The following GPM6B variants were observed in gnomAD, a reference collection of about 807,000 sequenced individuals.
GPM6B encodes glycoprotein M6B, also known as neuronal membrane glycoprotein M6-b.
A neutral mutation model predicts 27.2 loss-of-function variants in GPM6B; 4 were observed. That is an observed-to-expected ratio of 0.15 (90% CI 0.07 to 0.34). The LOEUF (loss-of-function observed/expected upper bound fraction) is 0.34, where lower values mean the gene tolerates loss of function less well. Among genes scored for constraint, GPM6B ranks in the 10% least tolerant of loss-of-function variants. The pLI is 1.00. For missense variants in GPM6B, 183 were observed against 261.9 expected, an observed-to-expected ratio of 0.70 and a Z score of 2.08; for synonymous variants, 124 against 103.1, an observed-to-expected ratio of 1.20 and a Z score of -1.23.
rs1017332029 is a variant in GPM6B at position 13,771,357 on chromosome X, G to A, written c.*1524C>T. 2 of 106,797 alleles carry A rather than the reference G, an allele frequency of 1.9e-5. No individual in the cohort carries two copies. The highest frequency in any genetic ancestry group is 2.1e-4 in the Admixed American group (2 of 9,691). The allele number at this position is 106,797 out of a possible 1,213,427, so 8.8% of individuals were successfully genotyped here. On this transcript the variant is annotated 3_prime_UTR_variant, in exon 8 of 8. Transcript: ENST00000316715. Reference sequence around the variant, plus strand: ...AACACTAAGCTATTTTGGAACAACTGTTCTACACAGAAGAGAGCTTCTCTT... The same window carrying A: ...AACACTAAGCTATTTTGGAACAACTATTCTACACAGAAGAGAGCTTCTCTT...
intron 1 of GPM6B, among the ~76,000 whole-genome samples, chrX:13,865,592 A>AAAAC (rs2049906661): frequency 1.0e-5 from 1 of 99,820 alleles, no homozygotes; most frequent in African/African-American, 3.6e-5. Context: ...AAAGAAAAAA[A>AAAAC]AAACAAAGAA....
chrX:13,800,475 T>G (rs1303991892), intron 2 of GPM6B, among the ~76,000 whole-genome samples: 1 of 112,719 alleles, frequency 8.9e-6, no homozygotes, highest in Non-Finnish European at 1.9e-5. Flanking sequence ...TGAGCTCTGA[T>G]GTTTGCCTAC....
chrX:13,776,074 T>C, intron 7 of GPM6B, 164 bp downstream of exon 7: 2 of 480,267 alleles, frequency 4.2e-6, no homozygotes, highest in Non-Finnish European at 7.4e-6. Flanking sequence ...CAACTAATAC[T>C]TTCTGTAAAC....
chrX:13,931,818 C>T (rs941431827), intron 1 of GPM6B, among the ~76,000 whole-genome samples: 18 of 112,133 alleles, frequency 1.6e-4, no homozygotes, highest in Admixed American at 1.3e-3. Context: ...TCTGCTATGG[C>T]CAGGTCAGTT....
intron 1 of GPM6B, among the ~76,000 whole-genome samples, chrX:13,932,287 T>G (rs769179262): frequency 1.8e-5 from 2 of 111,651 alleles, no homozygotes; most frequent in Non-Finnish European, 3.8e-5. Flanking sequence ...CCCAGACACC[T>G]GGACACCCTG....
intron 2 of GPM6B, among the ~76,000 whole-genome samples, chrX:13,788,710 G>A (rs2048658169): frequency 9.1e-6 from 1 of 109,751 alleles, no homozygotes; most frequent in Non-Finnish European, 1.9e-5. Context: ...CATCCAAATG[G>A]TTAGAGCATT....
At chrX:13,856,713 T>TA (rs1335040546) in intron 1 of GPM6B, among the ~76,000 whole-genome samples, 7 of 107,985 alleles carry the variant, frequency 6.5e-5, no homozygotes, top group Admixed American at 2.0e-4. Context: ...TATTATTTTT[T>TA]TTTTTTGACA....
At chrX:13,878,841 AAAACTTAACCCACAGTTCC>A (rs1252548406) in intron 1 of GPM6B, among the ~76,000 whole-genome samples, 1 of 112,274 alleles carries the variant, frequency 8.9e-6, no homozygotes, top group Non-Finnish European at 1.9e-5. Flanking sequence ...CGATGTGAGA[AAAACTTAACCCACAGTTCC>A]TGGCTTTGAA....
intron 1 of GPM6B, among the ~76,000 whole-genome samples, chrX:13,812,067 T>TC (rs1451230580): frequency 1.0e-5 from 1 of 100,007 alleles, no homozygotes; most frequent in Non-Finnish European, 2.0e-5. Flanking sequence ...TTTTTTTTTT[T>TC]GAGACAGAGT....
At chrX:13,934,633 A>C (rs1028846804) in intron 1 of GPM6B, among the ~76,000 whole-genome samples, 1 of 112,021 alleles carries the variant, frequency 8.9e-6, no homozygotes, top group African/African-American at 3.2e-5. Flanking sequence ...GACACTTCTG[A>C]TGCTGGCTTC....
rs751585727 is a variant in GPM6B at position 13,794,792 on chromosome X, T to C, written c.182-8984A>G. On this transcript the variant is annotated intron_variant, in intron 2 of 7. Transcript: ENST00000316715. ...GTATGTGCCTTTCGAACAGTTTGTG[T>C]AATGAAATGAGTGAGAGGATGCAGA... Among the ~76,000 whole-genome samples, 7 of 111,916 alleles carry C rather than the reference T, an allele frequency of 6.3e-5. No homozygotes were observed. In the East Asian group the frequency reaches 1.4e-3, roughly 22 times the overall value.
At chrX:13,869,514 C>T (rs1403839506) in intron 1 of GPM6B, among the ~76,000 whole-genome samples, 2 of 110,779 alleles carry the variant, frequency 1.8e-5, no homozygotes, top group East Asian at 5.7e-4. Context: ...GCTATAAAAA[C>T]ATGAGGGAGT....
In GPM6B at chrX:13,772,854, C is replaced by T. The variant is rs898272539; in HGVS notation, c.*27G>A. 5.0e-6 allele frequency: 6 copies of T among 1,198,990 alleles called. No individual in the cohort carries two copies. The East Asian group carries it at 8.9e-5, about 18-fold the overall frequency. On this transcript the variant is annotated 3_prime_UTR_variant, in exon 8 of 8. Transcript: ENST00000316715. ...TGATGATTTGTCAGAGCTGTAAATA[C>T]GTCGGCCGAAACACTCTGGCAAACA...
chrX:13,773,077 G>A (rs2048329642), intron 7 of GPM6B, 47 bp from the exon 8 acceptor site: 5 of 1,116,189 alleles, frequency 4.5e-6, no homozygotes, highest in Non-Finnish European at 6.1e-6. Flanking sequence ...TTGTGAGAAG[G>A]CAAAGCGAGG....
intron 1 of GPM6B, among the ~76,000 whole-genome samples, chrX:13,840,577 CAAGT>C (rs2049560667): frequency 9.0e-6 from 1 of 111,563 alleles, no homozygotes; most frequent in African/African-American, 3.3e-5. Context: ...AGCAGTTGCC[CAAGT>C]AAGAAGGAAT....
At chrX:13,875,770 C>T (rs1292460509) in intron 1 of GPM6B, among the ~76,000 whole-genome samples, 1 of 112,134 alleles carries the variant, frequency 8.9e-6, no homozygotes, top group Non-Finnish European at 1.9e-5. Flanking sequence ...AAGCCAGACA[C>T]GGTAGGCCAC....
At chrX:13,773,084 G>A in intron 7 of GPM6B, 54 bp from the exon 8 acceptor site, 1 of 1,095,643 alleles carries the variant, frequency 9.1e-7, no homozygotes, top group East Asian at 3.0e-5. Context: ...AAGGCAAAGC[G>A]AGGCGCTAGT....
upstream of GPM6B, chrX:13,938,524 C>T (rs761932062): frequency 3.3e-6 from 3 of 917,984 alleles, no homozygotes; most frequent in Non-Finnish European, 4.1e-6. Context: ...TGGAGACTGG[C>T]GGGAGGGGTG....
intron 1 of GPM6B, among the ~76,000 whole-genome samples, chrX:13,847,552 G>T (rs1258342377): frequency 8.9e-6 from 1 of 111,754 alleles, no homozygotes; most frequent in African/African-American, 3.3e-5. Flanking sequence ...GAAAATGGAA[G>T]TGCTTGCTAA....
Sources: allele counts gnomAD v4.1 joint callset (sites outside exome capture counted in the v4.1 genomes callset), GRCh38; gene constraint gnomAD v4.1.1; transcripts MANE v1.5; gene names NCBI Gene and HGNC (gene_info 2026-07-23, HGNC 2026-07-21).